The following KCNH7 variants were observed in gnomAD, a reference collection of about 807,000 sequenced individuals.
The protein encoded by KCNH7 is voltage-gated inwardly rectifying potassium channel KCNH7.
In KCNH7, 49 loss-of-function variants were observed where a neutral mutation model predicts 120.8. That is an observed-to-expected ratio of 0.41 (90% CI 0.32 to 0.51). The LOEUF (loss-of-function observed/expected upper bound fraction) is 0.51, where lower values mean the gene tolerates loss of function less well. Among genes scored for constraint, KCNH7 ranks in the 20% least tolerant of loss-of-function variants. The pLI is 0.38. For synonymous variants in KCNH7, 547 were observed against 516.1 expected, an observed-to-expected ratio of 1.06 and a Z score of -0.81; for missense variants, 1,097 against 1,446.6, an observed-to-expected ratio of 0.76 and a Z score of 3.92.
intron 2 of KCNH7, among the ~76,000 whole-genome samples, chr2:162,622,607 C>T (rs757749405): frequency 2.6e-5 from 4 of 152,116 alleles, no homozygotes; most frequent in Admixed American, 6.6e-5. Flanking sequence ...GAATTGATCT[C>T]TGAATTTTCT....
chr2:162,394,348 C>A (rs777899949), intron 12 of KCNH7, 41 bp downstream of exon 12: 66 of 1,121,578 alleles, frequency 5.9e-5, no homozygotes, highest in Non-Finnish European at 8.9e-5. Context: ...GGCTAATTAC[C>A]ACATGCTCTA....
chr2:162,513,297 C>T (rs534357999), intron 4 of KCNH7, among the ~76,000 whole-genome samples: 23 of 146,812 alleles, frequency 1.6e-4, no homozygotes, highest in Non-Finnish European at 2.9e-4. Flanking sequence ...CTCCTTCCTT[C>T]CCTCCTTCCC....
At chr2:162,631,701 T>G (rs1280532984) in intron 2 of KCNH7, among the ~76,000 whole-genome samples, 1 of 152,012 alleles carries the variant, frequency 6.6e-6, no homozygotes, top group Non-Finnish European at 1.5e-5. Flanking sequence ...AAAAAGTAAC[T>G]GTGAGAAACA....
At chr2:162,589,004 C>T (rs145083330) in intron 2 of KCNH7, among the ~76,000 whole-genome samples, 3 of 152,096 alleles carry the variant, frequency 2.0e-5, no homozygotes, top group Admixed American at 6.6e-5. Flanking sequence ...CTAATCCCAA[C>T]CACATTTTCA....
intron 12 of KCNH7, among the ~76,000 whole-genome samples, chr2:162,392,073 C>G (rs1686760901): frequency 6.6e-6 from 1 of 151,786 alleles, no homozygotes; most frequent in African/African-American, 2.4e-5. Flanking sequence ...TACAGTTTGG[C>G]AAAGGCAAAG....
At chr2:162,687,104 G>T (rs1574266560) in intron 2 of KCNH7, among the ~76,000 whole-genome samples, 1 of 152,070 alleles carries the variant, frequency 6.6e-6, no homozygotes, top group Admixed American at 6.6e-5. Flanking sequence ...GAAAAATACG[G>T]CTGGTAACAC....
At chr2:162,489,646 C>G (rs999918338) in intron 6 of KCNH7, among the ~76,000 whole-genome samples, 1 of 152,188 alleles carries the variant, frequency 6.6e-6, no homozygotes, top group Non-Finnish European at 1.5e-5. Context: ...TAACATTTGA[C>G]TTATATTTAG....
intron 2 of KCNH7, among the ~76,000 whole-genome samples, chr2:162,835,014 C>T (rs1489823018): frequency 6.6e-6 from 1 of 152,012 alleles, no homozygotes; most frequent in Admixed American, 6.6e-5. Flanking sequence ...TTATTCCAAA[C>T]GTCCAGATTG....
chr2:162,655,709 C>T (rs560107707), intron 2 of KCNH7, among the ~76,000 whole-genome samples: 146 of 152,224 alleles, frequency 9.6e-4, no homozygotes, highest in African/African-American at 3.3e-3. Context: ...AGGAGAATTG[C>T]TTGAACCTGG....
At chr2:162,628,117 G>T (rs76848535) in intron 2 of KCNH7, among the ~76,000 whole-genome samples, 6,829 of 152,112 alleles carry the variant, frequency 0.045, 296 homozygotes, top group East Asian at 0.12. Flanking sequence ...AAAATACATT[G>T]TTTTCTTTCA....
At chr2:162,431,777 A>G (rs1233082321) in intron 8 of KCNH7, among the ~76,000 whole-genome samples, 4 of 151,916 alleles carry the variant, frequency 2.6e-5, no homozygotes, top group African/African-American at 9.7e-5. Context: ...TTAATAAATT[A>G]ATAGAAATAG....
intron 2 of KCNH7, among the ~76,000 whole-genome samples, chr2:162,690,321 C>A (rs1360164597): frequency 7.2e-5 from 11 of 152,012 alleles, no homozygotes; most frequent in African/African-American, 2.4e-4. Flanking sequence ...GTACAACAAA[C>A]CCCCATGACA....
chr2:162,565,863 A>C (rs1693233708), intron 2 of KCNH7, among the ~76,000 whole-genome samples: 1 of 152,014 alleles, frequency 6.6e-6, no homozygotes, highest in East Asian at 1.9e-4. Flanking sequence ...CTTTACTTTG[A>C]AGTATGTGAC....
intron 2 of KCNH7, among the ~76,000 whole-genome samples, chr2:162,740,175 C>T (rs1688072323): frequency 6.6e-6 from 1 of 152,082 alleles, no homozygotes; most frequent in Non-Finnish European, 1.5e-5. Context: ...GGACCCGAGC[C>T]AGGAGGTGGA....
chr2:162,634,302 A>G (rs897834037), intron 2 of KCNH7, among the ~76,000 whole-genome samples: 2 of 152,058 alleles, frequency 1.3e-5, no homozygotes, highest in African/African-American at 2.4e-5. Flanking sequence ...CTTTCTTTGT[A>G]TAGGTAACAC....
chr2:162,490,684 G>C lies in KCNH7; in HGVS notation c.1128+13759C>G, dbSNP rs146330504. ...GCTACAGAGGACAGGATGCTAGATAGGACCCCAACAACACCCCTGCCCATC... is the reference window on the plus strand; with the variant it reads ...GCTACAGAGGACAGGATGCTAGATACGACCCCAACAACACCCCTGCCCATC... On this transcript the variant is annotated intron_variant, in intron 6 of 15. Coordinates refer to ENST00000332142, the MANE Select transcript of KCNH7 (RefSeq NM_033272.4). Among the ~76,000 whole-genome samples the C allele has an allele frequency of 9.7e-3, 1,477 of 152,250 alleles. 26 individuals carry two copies. Among genetic ancestry groups the C allele is most frequent in the Non-Finnish European group, 0.011 (757 of 68,014 alleles).
chr2:162,378,243 A>G (rs994899459), intron 14 of KCNH7, among the ~76,000 whole-genome samples: 2 of 152,226 alleles, frequency 1.3e-5, no homozygotes, highest in African/African-American at 2.4e-5. Flanking sequence ...ATGGGTAGGT[A>G]TGAGTCAAAG....
At position 162,554,523 on chromosome 2, in the gene KCNH7, G is replaced by A. The variant is rs191461962; in HGVS notation, c.308-17443C>T. Among the ~76,000 whole-genome samples the A allele has an allele frequency of 2.0e-4, 30 of 152,266 alleles. No homozygotes were observed. In the East Asian group the frequency reaches 5.8e-3, roughly 29 times the overall value. On this transcript the variant is annotated intron_variant, in intron 2 of 15. Transcript: ENST00000332142. ...TACATTCCTTCTGGAGGCCCGAAGAGTGAATTCATTTCCTTGCCTTTTCTA... is the reference window on the plus strand; with the variant it reads ...TACATTCCTTCTGGAGGCCCGAAGAATGAATTCATTTCCTTGCCTTTTCTA...
At chr2:162,705,427 T>A (rs1350598272) in intron 2 of KCNH7, among the ~76,000 whole-genome samples, 1 of 152,124 alleles carries the variant, frequency 6.6e-6, no homozygotes, top group Non-Finnish European at 1.5e-5. Context: ...CCTGAGTTTA[T>A]GAAAAGACTA....
Sources: allele counts gnomAD v4.1 joint callset (sites outside exome capture counted in the v4.1 genomes callset), GRCh38; gene constraint gnomAD v4.1.1; transcripts MANE v1.5; gene names NCBI Gene and HGNC (gene_info 2026-07-23, HGNC 2026-07-21).